POLH: variants seen among roughly 807,000 people sequenced by gnomAD.
POLH encodes DNA polymerase eta transcript.
In POLH, 53 loss-of-function variants were observed where a neutral mutation model predicts 73.6. That is an observed-to-expected ratio of 0.72 (90% CI 0.58 to 0.91). The LOEUF (loss-of-function observed/expected upper bound fraction) is 0.91. Ranked by LOEUF, POLH falls within the 40% of genes least tolerant of loss-of-function variation. The pLI, the probability that POLH is intolerant of heterozygous loss-of-function variation, is 0.00. For synonymous variants in POLH, 292 were observed against 308.5 expected, an observed-to-expected ratio of 0.95 and a Z score of 0.56; for missense variants, 768 against 865.4, an observed-to-expected ratio of 0.89 and a Z score of 1.41.
intron 10 of POLH, among the ~76,000 whole-genome samples, chr6:43,611,480 C>T (rs1198874609): frequency 1.3e-5 from 2 of 152,088 alleles, no homozygotes; most frequent in African/African-American, 4.8e-5. Context: ...AAATATAAGC[C>T]TCTTTTTGGA....
In POLH at chr6:43,614,187, C is replaced by T; in HGVS notation, c.1772C>T (p.Thr591Ile). The change falls in exon 11 of 11, where the codon ACT becomes ATT. Residue 591 changes from threonine (T) to isoleucine (I), a missense_variant. Thr to Ile is a moderately conservative substitution (Grantham distance 89). Coordinates refer to ENST00000372236, the MANE Select transcript of POLH (RefSeq NM_006502.3). ...VSKLEESSKA[T>I]PAEMDLAHNS... ...AAGCTAGAAGAATCCTCTAAAGCAA[C>T]TCCTGCAGAGATGGATTTGGCCCAC... is the stretch of plus-strand genomic sequence containing the variant. 1 of 1,613,832 alleles carries T rather than the reference C, an allele frequency of 6.2e-7. No homozygotes were observed. The highest frequency in any genetic ancestry group is 8.5e-7 in the Non-Finnish European group (1 of 1,179,696).
At chr6:43,582,494 A>G (rs1561897144) in intron 2 of POLH, 38 bp downstream of exon 2, 10 of 1,602,786 alleles carry the variant, frequency 6.2e-6, no homozygotes, top group South Asian at 1.1e-5. Context: ...ATTCAATGGT[A>G]ACACAGTGGC....
chr6:43,582,093 A>G (rs1764344340), intron 1 of POLH, among the ~76,000 whole-genome samples: 1 of 152,180 alleles, frequency 6.6e-6, no homozygotes, highest in Non-Finnish European at 1.5e-5. Flanking sequence ...TATAATGCAA[A>G]TATTGCAAAA....
intron 9 of POLH, among the ~76,000 whole-genome samples, chr6:43,609,961 C>G (rs1309334830): frequency 1.3e-5 from 2 of 151,396 alleles, no homozygotes; most frequent in African/African-American, 4.9e-5. Context: ...TCTTCAGTTA[C>G]TTTTTACACC....
chr6:43,613,355 C>G (rs1420206228), intron 10 of POLH, among the ~76,000 whole-genome samples: 1 of 152,144 alleles, frequency 6.6e-6, no homozygotes, highest in African/African-American at 2.4e-5. Flanking sequence ...TTATAAAAAA[C>G]AATAATCTCT....
rs201964030 is a variant in POLH at position 43,614,454 on chromosome 6, A to G, written c.2039A>G (p.Gln680Arg). ...NPQVVSAVSHQGKRNPKSPLA... is the reference protein window; with the variant it reads ...NPQVVSAVSHRGKRNPKSPLA... ...CAGGTTGTTTCTGCCGTATCTCATCAAGGCAAAAGAAATCCCAAGAGCCCT... is the reference window on the plus strand; with the variant it reads ...CAGGTTGTTTCTGCCGTATCTCATCGAGGCAAAAGAAATCCCAAGAGCCCT... Residue 680 changes from glutamine to arginine, a missense_variant, in exon 11 of 11, where the codon CAA becomes CGA. Coordinates refer to ENST00000372236, the MANE Select transcript of POLH (RefSeq NM_006502.3). 2.8e-5 allele frequency: 45 copies of G among 1,614,090 alleles called. No individual in the cohort carries two copies. Among genetic ancestry groups the G allele is most frequent in the Non-Finnish European group, 3.4e-5 (40 of 1,180,052 alleles).
In POLH at chr6:43,576,227, C is replaced by A. The variant is rs1181933699; in HGVS notation, c.-218C>A. ...GCTGGGCGCGCCGCTCTCGTCTGAT[C>A]CCTGCTGGGGACGGTTGCCCGGGCA... On this transcript the variant is annotated 5_prime_UTR_variant, in exon 1 of 11. Transcript: ENST00000372236. The A allele has an allele frequency of 5.1e-6, 1 of 195,134 alleles. No individual in the cohort carries two copies. Among genetic ancestry groups the A allele is most frequent in the Non-Finnish European group, 1.0e-5 (1 of 96,864 alleles). The allele number at this position is 195,134 out of a possible 1,614,324, so 12.1% of individuals were successfully genotyped here.
At chr6:43,607,172 G>A (rs1409316842) in intron 9 of POLH, among the ~76,000 whole-genome samples, 1 of 152,226 alleles carries the variant, frequency 6.6e-6, no homozygotes, top group African/African-American at 2.4e-5. Flanking sequence ...TCGGCTCACT[G>A]CAACATCCGC....
In POLH at chr6:43,582,988, CT is replaced by C. The variant is rs758452896; in HGVS notation, c.138-11del. 2.2e-5 allele frequency: 36 copies of C among 1,604,386 alleles called. No individual in the cohort carries two copies. The highest frequency in any genetic ancestry group is 7.7e-5 in the South Asian group (7 of 90,740). On this transcript the variant is annotated intron_variant, in intron 2 of 10. Transcript: ENST00000372236. ...GATCATATAATATGTTTTCTGTTTC[CT>C]TTTTTTTCTAACCTTAGAATAATTG...
chr6:43,603,404 A>T (rs1766951965), intron 6 of POLH, among the ~76,000 whole-genome samples: 2 of 152,054 alleles, frequency 1.3e-5, no homozygotes, highest in Non-Finnish European at 2.9e-5. Context: ...TGCTAGGACT[A>T]CAGGAGTGAG....
At chr6:43,590,575 A>C (rs1182240934) in intron 4 of POLH, among the ~76,000 whole-genome samples, 2 of 149,566 alleles carry the variant, frequency 1.3e-5, no homozygotes, top group Non-Finnish European at 3.0e-5. Flanking sequence ...TTTTTAATTG[A>C]ATATTATGAA....
chr6:43,591,725 A>C (rs938768578), intron 4 of POLH, among the ~76,000 whole-genome samples: 2 of 151,992 alleles, frequency 1.3e-5, no homozygotes, highest in Non-Finnish European at 2.9e-5. Flanking sequence ...AATTTGTTGA[A>C]AGCTATAGAC....
chr6:43,580,207 A>G (rs1763871167), intron 1 of POLH, among the ~76,000 whole-genome samples: 1 of 143,842 alleles, frequency 7.0e-6, no homozygotes, highest in African/African-American at 2.7e-5. Flanking sequence ...CACATGTTTC[A>G]GAGAGCACAG....
chr6:43,590,465 G>GTT (rs1561901892), intron 4 of POLH, among the ~76,000 whole-genome samples: 3 of 149,442 alleles, frequency 2.0e-5, no homozygotes, highest in African/African-American at 7.4e-5. Context: ...TTTTTGTTTT[G>GTT]GTTTTTGTTT....
Position 43,592,164 on chromosome 6 carries a change from CATATT to C in POLH, c.490+4676_490+4680del, listed in dbSNP as rs1490864002. Among the ~76,000 whole-genome samples, 3 of 152,242 alleles carry C rather than the reference CATATT, an allele frequency of 2.0e-5. No homozygotes were observed. In the East Asian group the frequency reaches 5.8e-4, roughly 29 times the overall value. ...GCAATGTCTAGGAAATATTTCATAT[CATATT>C]CCTGAATCTTTGATGTGTGCAACCA... On this transcript the variant is annotated intron_variant, in intron 4 of 10. Coordinates refer to ENST00000372236, the MANE Select transcript of POLH (RefSeq NM_006502.3).
At chr6:43,591,113 G>C (rs1765416710) in intron 4 of POLH, 1 of 152,030 alleles carries the variant, frequency 6.6e-6, no homozygotes. Flanking sequence ...CAAGCTAGAG[G>C]CTGCAGATCC....
chr6:43,598,299 A>G (rs111451988), intron 5 of POLH, among the ~76,000 whole-genome samples: 8,274 of 151,880 alleles, frequency 0.054, 310 homozygotes, highest in Middle Eastern at 0.092. Flanking sequence ...ATTCTTTAAC[A>G]TGGAAATGGA....
At chr6:43,606,766 A>G (rs1345309411) in intron 9 of POLH, among the ~76,000 whole-genome samples, 1 of 152,082 alleles carries the variant, frequency 6.6e-6, no homozygotes, top group East Asian at 1.9e-4. Flanking sequence ...ATTGACATAT[A>G]CTTTACATAC....
At chr6:43,605,116 A>T (rs1767132068) in intron 8 of POLH, 138 bp from the exon 9 acceptor site, 1 of 692,618 alleles carries the variant, frequency 1.4e-6, no homozygotes, top group Non-Finnish European at 2.6e-6. Flanking sequence ...CATTTCTATG[A>T]TCTGGTGATC....
Sources: allele counts gnomAD v4.1 joint callset (sites outside exome capture counted in the v4.1 genomes callset), GRCh38; gene constraint gnomAD v4.1.1; transcripts MANE v1.5; gene names NCBI Gene and HGNC (gene_info 2026-07-23, HGNC 2026-07-21).